Variants in MGAT4A observed in about 807,000 individuals in gnomAD.
The protein encoded by MGAT4A is alpha-1,3-mannosyl-glycoprotein 4-beta-N-acetylglucosaminyltransferase A.
A neutral mutation model predicts 74.1 loss-of-function variants in MGAT4A; 33 were observed. The observed-to-expected ratio is 0.45, with a 90% CI of 0.34 to 0.60. The LOEUF is 0.60. MGAT4A is among the 20% of genes least tolerant of loss of function. MGAT4A has a pLI of 0.02. For synonymous variants in MGAT4A, 198 were observed against 210.4 expected, an observed-to-expected ratio of 0.94 and a Z score of 0.51; for missense variants, 479 against 628.3, an observed-to-expected ratio of 0.76 and a Z score of 2.54.
chr2:98,673,664 GA>G (rs1241379972), intron 4 of MGAT4A, among the ~76,000 whole-genome samples: 1 of 152,080 alleles, frequency 6.6e-6, no homozygotes, highest in African/African-American at 2.4e-5. Flanking sequence ...AGCTTCAAAA[GA>G]AAGAGAATGT....
intron 1 of MGAT4A, among the ~76,000 whole-genome samples, chr2:98,728,321 T>A (rs1035981882): frequency 6.6e-6 from 1 of 152,364 alleles, no homozygotes; most frequent in Non-Finnish European, 1.5e-5. Flanking sequence ...CCTCTTTTAC[T>A]ACCTGAACAC....
intron 10 of MGAT4A, among the ~76,000 whole-genome samples, chr2:98,643,159 G>A (rs1184317717): frequency 2.0e-5 from 3 of 151,912 alleles, no homozygotes; most frequent in Non-Finnish European, 4.4e-5. Context: ...ATTGGACAAG[G>A]AAAACATACC....
chr2:98,681,157 A>ATT (rs1373468241), intron 2 of MGAT4A, among the ~76,000 whole-genome samples: 3 of 151,860 alleles, frequency 2.0e-5, no homozygotes, highest in African/African-American at 4.8e-5. Context: ...TAATTTTTCT[A>ATT]TTTTTAGTAG....
At position 98,621,607 on chromosome 2, in the gene MGAT4A, C is replaced by A; in HGVS notation, c.*3959G>T. The A allele has an allele frequency of 6.6e-7, 1 of 1,513,746 alleles. No individual in the cohort carries two copies. The highest frequency in any genetic ancestry group is 2.1e-5 in the Admixed American group (1 of 47,146). The allele number at this position is 1,513,746 out of a possible 1,614,324, so 93.8% of individuals were successfully genotyped here. On this transcript the variant is annotated 3_prime_UTR_variant, in exon 16 of 16. Transcript: ENST00000393487. ...GGATCAAACAGGTTCCACCCATGCT[C>A]AAAGTGGGAGGATATTATACAAGGT...
chr2:98,727,462 A>G (rs1319631358), intron 1 of MGAT4A, among the ~76,000 whole-genome samples: 1 of 152,234 alleles, frequency 6.6e-6, no homozygotes, highest in African/African-American at 2.4e-5. Flanking sequence ...TTAATTGAAC[A>G]ACAACAAAAC....
chr2:98,648,127 A>G (rs532910858), intron 8 of MGAT4A, among the ~76,000 whole-genome samples: 6 of 152,230 alleles, frequency 3.9e-5, no homozygotes, highest in Non-Finnish European at 7.3e-5. Flanking sequence ...ATTCCACATA[A>G]TAAGCGTATG....
chr2:98,654,037 A>G (rs1040809478), intron 8 of MGAT4A, among the ~76,000 whole-genome samples: 2 of 152,210 alleles, frequency 1.3e-5, no homozygotes, highest in African/African-American at 2.4e-5. Flanking sequence ...CATATACTAC[A>G]TTAACAAAAT....
intron 2 of MGAT4A, among the ~76,000 whole-genome samples, chr2:98,684,291 G>T (rs576634227): frequency 4.6e-5 from 7 of 152,146 alleles, no homozygotes; most frequent in Non-Finnish European, 1.0e-4. Context: ...CATTTCAATC[G>T]GTTTGTATGA....
rs148486472 is a variant in MGAT4A at position 98,650,516 on chromosome 2, G to A, written c.774+4929C>T. 8.2e-3 allele frequency among the ~76,000 whole-genome samples: 1,243 copies of A among 152,198 alleles called. 5 individuals carry two copies. Among genetic ancestry groups the A allele is most frequent in the Non-Finnish European group, 0.014 (949 of 68,008 alleles). On this transcript the variant is annotated intron_variant, in intron 8 of 15. Coordinates refer to ENST00000393487, the MANE Select transcript of MGAT4A (RefSeq NM_012214.3). The stretch of plus-strand genomic sequence containing the variant: ...AGTGACCCAACAAATACAAGATAAC[G>A]TCTATTAGATTATCAGCAGATTTCC...
At chr2:98,663,377 A>G (rs1421596579) in intron 4 of MGAT4A, 198 bp from the exon 5 acceptor site, 2 of 1,521,770 alleles carry the variant, frequency 1.3e-6, no homozygotes, top group Non-Finnish European at 1.8e-6. Flanking sequence ...TGGCTTAACC[A>G]TAAGAAAAAA....
chr2:98,705,597 T>C (rs1268992000), intron 2 of MGAT4A, among the ~76,000 whole-genome samples: 1 of 152,164 alleles, frequency 6.6e-6, no homozygotes, highest in Non-Finnish European at 1.5e-5. Context: ...TTTAAAAGTA[T>C]CTATAGTGGA....
intron 2 of MGAT4A, among the ~76,000 whole-genome samples, chr2:98,683,123 C>T (rs1702086122): frequency 6.6e-6 from 1 of 151,810 alleles, no homozygotes; most frequent in Non-Finnish European, 1.5e-5. Context: ...AAATAAATGG[C>T]TTCCACTTTA....
intron 3 of MGAT4A, among the ~76,000 whole-genome samples, chr2:98,675,551 CTTTT>C (rs143576109): frequency 6.9e-6 from 1 of 144,140 alleles, no homozygotes; most frequent in African/African-American, 2.5e-5. Flanking sequence ...CTTCCATTTT[CTTTT>C]TTTTTTTTTG....
At chr2:98,640,301 G>A (rs917462705) in intron 10 of MGAT4A, 73 bp from the exon 11 acceptor site, 19 of 1,237,516 alleles carry the variant, frequency 1.5e-5, no homozygotes, top group Non-Finnish European at 2.1e-5. Context: ...AAAATGAGAA[G>A]TCCTTTATTA....
intron 2 of MGAT4A, among the ~76,000 whole-genome samples, chr2:98,684,809 C>T (rs1419046679): frequency 3.3e-5 from 5 of 152,158 alleles, no homozygotes; most frequent in Non-Finnish European, 5.9e-5. Flanking sequence ...CTACTAAATT[C>T]AGAGCTAGTG....
At chr2:98,713,065 A>C (rs1032092324) in intron 2 of MGAT4A, among the ~76,000 whole-genome samples, 1 of 151,434 alleles carries the variant, frequency 6.6e-6, no homozygotes, top group African/African-American at 2.4e-5. Context: ...GCTAGTCAAG[A>C]GGTTAAGGTG....
intron 4 of MGAT4A, among the ~76,000 whole-genome samples, chr2:98,667,124 G>A (rs1559163982): frequency 6.8e-6 from 1 of 146,178 alleles, no homozygotes; most frequent in African/African-American, 2.6e-5. Context: ...ATCCACATAA[G>A]ATGTGACTTG....
chr2:98,660,450 ACACACAC>A (rs1413814194), intron 5 of MGAT4A, among the ~76,000 whole-genome samples: 8 of 127,174 alleles, frequency 6.3e-5, no homozygotes, highest in Non-Finnish European at 1.2e-4. Context: ...ACACACACAC[ACACACAC>A]AACAAATAGC....
chr2:98,677,092 G>A (rs985173907), intron 3 of MGAT4A, among the ~76,000 whole-genome samples: 3 of 152,188 alleles, frequency 2.0e-5, no homozygotes, highest in African/African-American at 7.2e-5. Context: ...CAAATTTAGA[G>A]GCAATCAATT....
Sources: allele counts gnomAD v4.1 joint callset (sites outside exome capture counted in the v4.1 genomes callset), GRCh38; gene constraint gnomAD v4.1.1; transcripts MANE v1.5; gene names NCBI Gene and HGNC (gene_info 2026-07-23, HGNC 2026-07-21).